COPS3: variants seen among roughly 807,000 people sequenced by gnomAD.
COPS3 encodes COP9 signalosome subunit 3, also known as COP9 signalosome complex subunit 3.
COPS3 carries 10 observed loss-of-function variants against 58.2 expected under a neutral mutation model. The observed-to-expected ratio is 0.17, with a 90% CI of 0.11 to 0.29. The LOEUF (loss-of-function observed/expected upper bound fraction) is 0.29, where lower values mean the gene tolerates loss of function less well. Ranked by LOEUF, COPS3 falls within the 10% of genes least tolerant of loss-of-function variation. The pLI is 1.00. For missense variants in COPS3, 333 were observed against 510.1 expected (o/e 0.65, Z 3.34); for synonymous variants, 187 against 181.7 (o/e 1.03, Z -0.24).
chr17:17,262,512 G>A (rs1377179667), intron 6 of COPS3, among the ~76,000 whole-genome samples: 2 of 152,008 alleles, frequency 1.3e-5, no homozygotes, highest in Non-Finnish European at 2.9e-5. Flanking sequence ...GGTGGATCAC[G>A]AGGTCAGGGG....
intron 1 of COPS3, chr17:17,280,887 G>C (rs944393016): frequency 2.5e-5 from 25 of 994,580 alleles, no homozygotes; most frequent in Admixed American, 6.3e-5. Flanking sequence ...CCAGGCCGGG[G>C]GGAGGGGGCT....
intron 5 of COPS3, among the ~76,000 whole-genome samples, chr17:17,267,296 CCAGCCTGGGCGA>C (rs1177712966): frequency 2.7e-5 from 4 of 146,840 alleles, no homozygotes; most frequent in Admixed American, 1.4e-4. Flanking sequence ...TGAGATGGCG[CCAGCCTGGGCGA>C]CAGAGCAAGA....
chr17:17,270,678 G>C (rs1053041598), intron 4 of COPS3, 80 bp downstream of exon 4: 1 of 1,276,526 alleles, frequency 7.8e-7, no homozygotes, highest in Non-Finnish European at 1.1e-6. Flanking sequence ...GTACTAACTG[G>C]AATCTTGATA....
chr17:17,248,702 G>A (rs1001498433), intron 10 of COPS3, among the ~76,000 whole-genome samples: 1 of 152,152 alleles, frequency 6.6e-6, no homozygotes, highest in Non-Finnish European at 1.5e-5. Flanking sequence ...TGTCACCCAA[G>A]GTGGAGGACA....
intron 4 of COPS3, 193 bp from the exon 5 acceptor site, chr17:17,268,170 AT>A: frequency 1.5e-6 from 1 of 665,496 alleles, no homozygotes; most frequent in Non-Finnish European, 2.2e-6. Flanking sequence ...GTTTCTTGGA[AT>A]TTTTAGATAA....
In COPS3 at chr17:17,270,986, T is replaced by A; in HGVS notation, c.208A>T (p.Ser70Cys). 3.7e-6 allele frequency: 6 copies of A among 1,613,934 alleles called. No homozygotes were observed. The highest frequency in any genetic ancestry group is 5.1e-6 in the Non-Finnish European group (6 of 1,179,890). ...AATAGCGTTTCGAAGTCAGGAACACTGGGCATAGAAAACTTCACAAACCTA... is the reference window on the plus strand; with the variant it reads ...AATAGCGTTTCGAAGTCAGGAACACAGGGCATAGAAAACTTCACAAACCTA... Reference protein sequence around the residue: ...AVLFVKFSMPSVPDFETLFSQ... With the variant: ...AVLFVKFSMPCVPDFETLFSQ... Residue 70 changes from serine (S) to cysteine (C), a missense_variant, in exon 3 of 12, where the codon AGT becomes TGT. Coordinates refer to ENST00000268717, the MANE Select transcript of COPS3 (RefSeq NM_003653.4).
At chr17:17,266,797 T>C (rs1337317019) in intron 5 of COPS3, among the ~76,000 whole-genome samples, 2 of 149,678 alleles carry the variant, frequency 1.3e-5, no homozygotes, top group Non-Finnish European at 3.0e-5. Flanking sequence ...AGACTCCATC[T>C]CAAAAAATAA....
At chr17:17,269,062 C>T (rs2048290076) in intron 4 of COPS3, among the ~76,000 whole-genome samples, 1 of 152,130 alleles carries the variant, frequency 6.6e-6, no homozygotes, top group Non-Finnish European at 1.5e-5. Context: ...AAGTGGCTCA[C>T]ACCTGTAATC....
chr17:17,277,483 T>A (rs1429937553), intron 1 of COPS3, among the ~76,000 whole-genome samples: 1 of 152,214 alleles, frequency 6.6e-6, no homozygotes, highest in Non-Finnish European at 1.5e-5. Flanking sequence ...AGTGGTGTGA[T>A]CACAGCTCAA....
At chr17:17,253,353 C>T (rs2047893258) in intron 9 of COPS3, among the ~76,000 whole-genome samples, 1 of 152,154 alleles carries the variant, frequency 6.6e-6, no homozygotes, top group Admixed American at 6.6e-5. Flanking sequence ...GAACTATGTA[C>T]TTATGTAACT....
At chr17:17,250,038 A>AG (rs2047807655) in intron 9 of COPS3, among the ~76,000 whole-genome samples, 1 of 152,148 alleles carries the variant, frequency 6.6e-6, no homozygotes, top group Non-Finnish European at 1.5e-5. Context: ...AAGAGGCCCT[A>AG]GGCCCATTAG....
At chr17:17,248,791 T>C in intron 10 of COPS3, 135 bp downstream of exon 10, 1 of 594,410 alleles carries the variant, frequency 1.7e-6, no homozygotes, top group Non-Finnish European at 2.9e-6. Flanking sequence ...TGAAACTAAC[T>C]TTCTAGTAAC....
chr17:17,256,159 A>G (rs560047500), intron 8 of COPS3, among the ~76,000 whole-genome samples: 2 of 152,006 alleles, frequency 1.3e-5, no homozygotes, highest in South Asian at 4.1e-4. Flanking sequence ...AGCCTGGGCA[A>G]CTGAGCAAGA....
intron 4 of COPS3, among the ~76,000 whole-genome samples, chr17:17,268,201 T>C (rs868136350): frequency 2.6e-5 from 4 of 152,212 alleles, no homozygotes; most frequent in Middle Eastern, 3.2e-3. Flanking sequence ...ATTTTTTAAA[T>C]CATAAAAAGC....
rs559872183 is a variant in COPS3, at chr17:17,249,523, G to A, written c.1024-484C>T. On this transcript the variant is annotated intron_variant, in intron 9 of 11. Transcript: ENST00000268717. ...GTTGTTTTTTTTGAGATGGCGTTTC[G>A]CTCTTGTTGCCCAGGCTGGAGTGTA... Among the ~76,000 whole-genome samples, 11 of 151,006 alleles carry A rather than the reference G, an allele frequency of 7.3e-5. No individual in the cohort carries two copies. The South Asian group carries it at 1.7e-3, about 23-fold the overall frequency.
chr17:17,250,566 G>T (rs1186713189), intron 9 of COPS3, among the ~76,000 whole-genome samples: 1 of 152,098 alleles, frequency 6.6e-6, no homozygotes, highest in Non-Finnish European at 1.5e-5. Flanking sequence ...ACTACCACTG[G>T]GGATTCCAAG....
chr17:17,257,572 C>T (rs1334510893), intron 8 of COPS3, among the ~76,000 whole-genome samples: 2 of 150,906 alleles, frequency 1.3e-5, no homozygotes, highest in African/African-American at 2.4e-5. Flanking sequence ...CTGAGGCGGG[C>T]GGATCACGAG....
intron 8 of COPS3, among the ~76,000 whole-genome samples, chr17:17,259,568 TG>T (rs1169705418): frequency 6.6e-6 from 1 of 152,134 alleles, no homozygotes; most frequent in East Asian, 1.9e-4. Context: ...CTGGCCTAAA[TG>T]GTAATGTCCG....
intron 2 of COPS3, among the ~76,000 whole-genome samples, chr17:17,271,905 CAT>C (rs1433059058): frequency 6.2e-5 from 4 of 64,152 alleles, no homozygotes; most frequent in East Asian, 8.9e-4. Context: ...AAATAATAAA[CAT>C]GTATATATTA....
Sources: gnomAD v4.1 joint callset for allele counts (sites outside exome capture counted in the v4.1 genomes callset) on GRCh38, gnomAD v4.1.1 for gene constraint, MANE v1.5 for transcripts, NCBI Gene and HGNC (gene_info 2026-07-23, HGNC 2026-07-21) for gene names.